The following SATB2 variants were observed in gnomAD, a reference collection of about 807,000 sequenced individuals.
SATB2 encodes DNA-binding protein SATB2.
Under a neutral mutation model 73.4 loss-of-function variants are expected in SATB2, and 1 was observed. The observed-to-expected ratio is 0.01, with a 90% CI of 0.00 to 0.06. SATB2 has a LOEUF of 0.06. SATB2 is among the 10% of genes least tolerant of loss of function. SATB2 has a pLI of 1.00. For synonymous variants in SATB2, 397 were observed against 367.0 expected, an observed-to-expected ratio of 1.08 and a Z score of -0.93; for missense variants, 459 against 945.8, an observed-to-expected ratio of 0.49 and a Z score of 6.75.
At chr2:199,386,712 GCGCGCACACACACACACACA>G (rs374393184) in intron 3 of SATB2, among the ~76,000 whole-genome samples, 9,167 of 67,636 alleles carry the variant, frequency 0.14, 410 homozygotes, top group South Asian at 0.2. Flanking sequence ...GCGCGCGCGC[GCGCGCACACACACACACACA>G]CACACACACA....
intron 5 of SATB2, among the ~76,000 whole-genome samples, chr2:199,376,433 C>T (rs1689607513): frequency 6.6e-6 from 1 of 152,154 alleles, no homozygotes. Context: ...GGTACTCCTC[C>T]TGTCATGGGA....
intron 10 of SATB2, among the ~76,000 whole-genome samples, chr2:199,283,455 C>T (rs1472892045): frequency 6.6e-6 from 1 of 151,580 alleles, no homozygotes; most frequent in African/African-American, 2.4e-5. Context: ...ATACAACTGC[C>T]TGGACCATTT....
intron 10 of SATB2, among the ~76,000 whole-genome samples, chr2:199,298,486 ATT>A (rs774099187): frequency 5.3e-5 from 8 of 152,182 alleles, no homozygotes; most frequent in Non-Finnish European, 7.3e-5. Flanking sequence ...TTATATTTCC[ATT>A]TGGACGTTTT....
At chr2:199,443,929 ATAT>A (rs1448557754) in intron 2 of SATB2, among the ~76,000 whole-genome samples, 7 of 152,302 alleles carry the variant, frequency 4.6e-5, no homozygotes, top group Non-Finnish European at 8.8e-5. Context: ...AATACATAGG[ATAT>A]TATTATTGTG....
At chr2:199,381,155 A>C (rs1689761033) in intron 4 of SATB2, among the ~76,000 whole-genome samples, 1 of 151,824 alleles carries the variant, frequency 6.6e-6, no homozygotes, top group African/African-American at 2.4e-5. Flanking sequence ...AAAAATAAAG[A>C]AATCATCCCC....
chr2:199,323,914 G>A lies in SATB2; in HGVS notation c.1431C>T (p.Asp477=), dbSNP rs765952558. 2.2e-5 allele frequency: 36 copies of A among 1,613,374 alleles called. No individual in the cohort carries two copies. The highest frequency in any genetic ancestry group is 3.3e-4 in the Middle Eastern group (2 of 6,054). ...CAGCTGTGATGTTGATGTTGGCGCC[G>A]TCCACCTTAATAGGGAGGTCTGTTG... ...TPTTDLPIKV[D]GANINITAAI... The change falls in exon 9 of 11, where the codon GAC becomes GAT. Residue 477 remains aspartate (D), a synonymous_variant. Coordinates refer to ENST00000417098, the MANE Select transcript of SATB2 (RefSeq NM_001172509.2).
At chr2:199,273,548 AGTCTTTT>A (rs1265122714) in intron 10 of SATB2, among the ~76,000 whole-genome samples, 2 of 152,170 alleles carry the variant, frequency 1.3e-5, no homozygotes. Flanking sequence ...TCTAGTTTTG[AGTCTTTT>A]GATTTTAAAT....
intron 5 of SATB2, among the ~76,000 whole-genome samples, chr2:199,370,418 CAT>C (rs1689408922): frequency 6.6e-6 from 1 of 152,052 alleles, no homozygotes; most frequent in African/African-American, 2.4e-5. Flanking sequence ...ATGCATCAGT[CAT>C]ACTGGTATAT....
Position 199,371,624 on chromosome 2 carries a change from A to T in SATB2, c.598-2917T>A, listed in dbSNP as rs552430074. 2.0e-5 allele frequency among the ~76,000 whole-genome samples: 3 copies of T among 152,240 alleles called. No homozygotes were observed. The South Asian group carries it at 6.2e-4, about 32-fold the overall frequency. On this transcript the variant is annotated intron_variant, in intron 5 of 10. Transcript: ENST00000417098. The stretch of plus-strand genomic sequence containing the variant: ...ACCCTGCCAAAAAAGATCTAATTCA[A>T]TTTTTTGCTTTTTAAAATACATATA...
At chr2:199,299,242 A>AT (rs2105754559) in intron 10 of SATB2, among the ~76,000 whole-genome samples, 2 of 152,320 alleles carry the variant, frequency 1.3e-5, no homozygotes, top group South Asian at 4.1e-4. Context: ...CATCAAAACT[A>AT]TTTTTTAAAA....
At chr2:199,291,300 C>T (rs1202030548) in intron 10 of SATB2, among the ~76,000 whole-genome samples, 1 of 152,182 alleles carries the variant, frequency 6.6e-6, no homozygotes, top group Non-Finnish European at 1.5e-5. Context: ...GAGCCACAAA[C>T]TGTCTTTACT....
chr2:199,342,985 T>C (rs1328761936), intron 7 of SATB2, among the ~76,000 whole-genome samples: 2 of 152,206 alleles, frequency 1.3e-5, no homozygotes, highest in African/African-American at 2.4e-5. Context: ...AGAACTGACA[T>C]TTGAAATGTT....
chr2:199,319,025 T>C (rs1181856829), intron 9 of SATB2, among the ~76,000 whole-genome samples: 4 of 150,950 alleles, frequency 2.6e-5, no homozygotes, highest in Admixed American at 6.6e-5. Flanking sequence ...TGTAGAAACA[T>C]AGTGCTAAGG....
chr2:199,405,270 G>C (rs1232069843), intron 3 of SATB2, among the ~76,000 whole-genome samples: 2 of 152,182 alleles, frequency 1.3e-5, no homozygotes, highest in Non-Finnish European at 2.9e-5. Context: ...ACTTCAGAAA[G>C]AGCTCTGCAT....
intron 3 of SATB2, among the ~76,000 whole-genome samples, chr2:199,425,057 G>C (rs766582800): frequency 2.3e-4 from 35 of 152,244 alleles, no homozygotes; most frequent in Middle Eastern, 3.4e-3. Flanking sequence ...CTATAAGTTA[G>C]TAAAAGACAG....
intron 10 of SATB2, among the ~76,000 whole-genome samples, chr2:199,292,872 T>G (rs1446636): frequency 0.79 from 120,434 of 152,076 alleles, 49,292 homozygotes; most frequent in Non-Finnish European, 0.89. Context: ...CCAGCCAAGT[T>G]TATTTAGCAA....
intron 5 of SATB2, among the ~76,000 whole-genome samples, chr2:199,375,723 T>C (rs975090297): frequency 6.6e-6 from 1 of 152,184 alleles, no homozygotes; most frequent in Non-Finnish European, 1.5e-5. Flanking sequence ...TGAGTCTATT[T>C]TTGAAAAACC....
chr2:199,290,451 A>T (rs1692823549), intron 10 of SATB2, among the ~76,000 whole-genome samples: 1 of 152,228 alleles, frequency 6.6e-6, no homozygotes, highest in South Asian at 2.1e-4. Flanking sequence ...TAGCCATATT[A>T]CACAGACTGA....
At position 199,332,499 on chromosome 2, in the gene SATB2, G is replaced by A. The variant is rs191200519; in HGVS notation, c.1174-3589C>T. ...TTAAAAGCAAAATAATTCAAAGTAC[G>A]AAATGAGCAATAACTTATTATAATG... On this transcript the variant is annotated intron_variant, in intron 7 of 10. Transcript: ENST00000417098. Among the ~76,000 whole-genome samples, 157 of 152,138 alleles carry A rather than the reference G, an allele frequency of 1.0e-3. 1 individual carries two copies. Among genetic ancestry groups the A allele is most frequent in the African/African-American group, 3.3e-3 (138 of 41,528 alleles).
Sources: gnomAD v4.1 joint callset for allele counts (sites outside exome capture counted in the v4.1 genomes callset) on GRCh38, gnomAD v4.1.1 for gene constraint, MANE v1.5 for transcripts, NCBI Gene and HGNC (gene_info 2026-07-23, HGNC 2026-07-21) for gene names.